The following ALDH9A1 variants were observed in gnomAD, a reference collection of about 807,000 sequenced individuals.
ALDH9A1 encodes the protein 4-trimethylaminobutyraldehyde dehydrogenase.
Under a neutral mutation model 56.6 loss-of-function variants are expected in ALDH9A1, and 42 were observed. The observed-to-expected ratio is 0.74, with a 90% confidence interval of 0.58 to 0.96. ALDH9A1 has a LOEUF of 0.96. Among genes scored for constraint, ALDH9A1 ranks in the 40% least tolerant of loss-of-function variants. The pLI, the probability that ALDH9A1 is intolerant of heterozygous loss-of-function variation, is 0.00. For missense variants in ALDH9A1, 661 were observed against 651.5 expected (o/e 1.01, Z -0.16); for synonymous variants, 242 against 236.0 (o/e 1.03, Z -0.23).
At chr1:165,683,737 A>C (rs1022346873) in intron 2 of ALDH9A1, among the ~76,000 whole-genome samples, 1 of 152,244 alleles carries the variant, frequency 6.6e-6, no homozygotes, top group African/African-American at 2.4e-5. Flanking sequence ...ATTTTCAAAT[A>C]CTGTTTCTAG....
chr1:165,694,320 G>A (rs1207321332), intron 2 of ALDH9A1, among the ~76,000 whole-genome samples: 4 of 151,944 alleles, frequency 2.6e-5, no homozygotes, highest in Non-Finnish European at 4.4e-5. Flanking sequence ...TTTTGTTTCC[G>A]TCAAGTTTCA....
chr1:165,674,706 T>C (rs76463791), intron 6 of ALDH9A1, among the ~76,000 whole-genome samples: 18 of 124,106 alleles, frequency 1.5e-4, no homozygotes, highest in African/African-American at 5.3e-4. Flanking sequence ...AAAAAAAAAA[T>C]TAAAAATAGA....
Position 165,686,517 on chromosome 1 carries a change from T to TA in ALDH9A1, c.328-3408_328-3407insT, listed in dbSNP as rs1485530167. Reference sequence around the variant, plus strand: ...ACCCAAGAAGAAAATGTTTTTTTTTTTAAAAAAAAAAGCCCCAGAACTCAC... The same window carrying TA: ...ACCCAAGAAGAAAATGTTTTTTTTTTATAAAAAAAAAAGCCCCAGAACTCAC... On this transcript the variant is annotated intron_variant, in intron 2 of 10. Coordinates refer to ENST00000354775, the MANE Select transcript of ALDH9A1 (RefSeq NM_000696.4). Among the ~76,000 whole-genome samples the TA allele has an allele frequency of 6.2e-3, 546 of 88,126 alleles. 7 individuals carry two copies. The highest frequency in any genetic ancestry group is 0.061 in the South Asian group (72 of 1,186). 57.8% of individuals were successfully genotyped at this position (88,126 alleles called of 152,430 possible). A position where few individuals can be genotyped will look rare whatever the true frequency, so the allele number is the denominator to read the frequency against.
chr1:165,671,167 T>C (rs1256936818), intron 6 of ALDH9A1: 1 of 164,924 alleles, frequency 6.1e-6, no homozygotes, highest in East Asian at 1.8e-4. Flanking sequence ...AAATTGTGAC[T>C]ATATATGCTG....
rs181014387 is a variant in ALDH9A1, at chr1:165,695,717, T to C, written c.182-320A>G. On this transcript the variant is annotated intron_variant, in intron 1 of 10. Transcript: ENST00000354775. ...TTCACCATGTTGACCAGGATGGTCT[T>C]GATCTCCTGACCTTGTGACCCACCC... Among the ~76,000 whole-genome samples, 395 of 152,044 alleles carry C rather than the reference T, an allele frequency of 2.6e-3. 2 individuals carry two copies. Among genetic ancestry groups the C allele is most frequent in the African/African-American group, 9.1e-3 (378 of 41,484 alleles).
chr1:165,668,877 T>C (rs372273549), intron 8 of ALDH9A1, 49 bp downstream of exon 8: 12 of 1,331,116 alleles, frequency 9.0e-6, no homozygotes, highest in South Asian at 1.2e-5. Flanking sequence ...TCTCTATCTA[T>C]TCAGTATTTA....
At chr1:165,680,911 A>T (rs1649530854) in intron 4 of ALDH9A1, among the ~76,000 whole-genome samples, 1 of 152,226 alleles carries the variant, frequency 6.6e-6, no homozygotes, top group Admixed American at 6.5e-5. Context: ...ACAGTTCCAC[A>T]TGGCTAGGGA....
chr1:165,664,017 C>T (rs1231330650), intron 10 of ALDH9A1, among the ~76,000 whole-genome samples: 2 of 152,176 alleles, frequency 1.3e-5, no homozygotes, highest in African/African-American at 4.8e-5. Context: ...CAAATAATTC[C>T]CTGCACTGAG....
rs1029428027 is a variant in ALDH9A1 at position 165,681,192 on chromosome 1, C to G, written c.593-509G>C. On this transcript the variant is annotated intron_variant, in intron 4 of 10. Transcript: ENST00000354775. ...CCAAACCATATCAATAAGTAAACAA[C>G]TCTTGTCCTTTTCATCTTGGTTTCT... 4.6e-5 allele frequency among the ~76,000 whole-genome samples: 7 copies of G among 152,220 alleles called. No individual in the cohort carries two copies. The South Asian group carries it at 6.2e-4, about 13-fold the overall frequency.
chr1:165,664,113 T>G (rs2101732223), intron 10 of ALDH9A1, among the ~76,000 whole-genome samples: 1 of 152,320 alleles, frequency 6.6e-6, no homozygotes. Context: ...TGTGTCTGTG[T>G]GTACGACTCC....
intron 2 of ALDH9A1, among the ~76,000 whole-genome samples, 199 bp from the exon 3 acceptor site, chr1:165,683,309 T>C (rs368435022): frequency 7.3e-6 from 1 of 136,606 alleles, no homozygotes; most frequent in Non-Finnish European, 1.6e-5. Context: ...CCTCGTTAAT[T>C]AATCGACAAA....
chr1:165,695,765 G>C (rs550866260), intron 1 of ALDH9A1, among the ~76,000 whole-genome samples: 2 of 152,158 alleles, frequency 1.3e-5, no homozygotes, highest in Admixed American at 1.3e-4. Flanking sequence ...CGAAGTGCCG[G>C]AATTACAGGC....
At chr1:165,688,442 G>T (rs1444717265) in intron 2 of ALDH9A1, among the ~76,000 whole-genome samples, 3 of 152,134 alleles carry the variant, frequency 2.0e-5, no homozygotes. Context: ...TAAATATGTG[G>T]ACAAATGTGA....
In ALDH9A1 at chr1:165,698,542, C is replaced by G; in HGVS notation, c.17G>C (p.Gly6Ala). 6.2e-7 allele frequency: 1 copy of G among 1,608,390 alleles called. No homozygotes were observed. Among genetic ancestry groups the G allele is most frequent in the Non-Finnish European group, 8.5e-7 (1 of 1,178,320 alleles). The part of the protein sequence containing the change: MFLRA[G>A]LAALSPLLRS... Reference sequence around the variant, plus strand: ...AAGAAGCGGGGAGAGCGCGGCCAGGCCTGCTCGGAGAAACATGAGTGGCGG... The same window carrying G: ...AAGAAGCGGGGAGAGCGCGGCCAGGGCTGCTCGGAGAAACATGAGTGGCGG... The change falls in exon 1 of 11, where the codon GGC becomes GCC. Residue 6 changes from glycine (G) to alanine (A), a missense_variant. Gly to Ala is a moderately conservative substitution (Grantham distance 60). Transcript: ENST00000354775.
chr1:165,698,531 G>A lies in ALDH9A1; in HGVS notation c.28C>T (p.Leu10Phe), dbSNP rs553544304. 1.9e-6 allele frequency: 3 copies of A among 1,609,916 alleles called. No individual in the cohort carries two copies. The highest frequency in any genetic ancestry group is 2.2e-5 in the South Asian group (2 of 90,656). The part of the protein sequence containing the change: MFLRAGLAA[L>F]SPLLRSLRPS... ...CGAAGACTGCGAAGAAGCGGGGAGA[G>A]CGCGGCCAGGCCTGCTCGGAGAAAC... The change falls in exon 1 of 11, where the codon CTC becomes TTC. Residue 10 changes from leucine to phenylalanine, a missense_variant. Transcript: ENST00000354775.
At chr1:165,687,638 A>G (rs1423195628) in intron 2 of ALDH9A1, among the ~76,000 whole-genome samples, 2 of 152,216 alleles carry the variant, frequency 1.3e-5, no homozygotes, top group Admixed American at 1.3e-4. Flanking sequence ...ATGCAAAAGA[A>G]AGACTTTTTT....
intron 1 of ALDH9A1, among the ~76,000 whole-genome samples, chr1:165,696,994 A>AC (rs1650109291): frequency 6.6e-6 from 1 of 152,238 alleles, no homozygotes; most frequent in African/African-American, 2.4e-5. Flanking sequence ...ATGGTCAAAT[A>AC]CTAAATTCTC....
intron 6 of ALDH9A1, chr1:165,671,846 C>T (rs893815313): frequency 9.8e-6 from 2 of 204,914 alleles, no homozygotes; most frequent in Admixed American, 6.1e-5. Context: ...ATTACATATG[C>T]AGTCAATATC....
intron 6 of ALDH9A1, among the ~76,000 whole-genome samples, chr1:165,677,740 C>A (rs1649409805): frequency 6.6e-6 from 1 of 151,552 alleles, no homozygotes; most frequent in African/African-American, 2.4e-5. Flanking sequence ...TGCCTGTAGT[C>A]TCAGCTACTT....
Sources: gnomAD v4.1 joint callset for allele counts (sites outside exome capture counted in the v4.1 genomes callset) on GRCh38, gnomAD v4.1.1 for gene constraint, MANE v1.5 for transcripts, NCBI Gene and HGNC (gene_info 2026-07-23, HGNC 2026-07-21) for gene names.